CACNA1E: variants seen among roughly 807,000 people sequenced by gnomAD.
CACNA1E encodes the protein calcium voltage-gated channel subunit alpha1 E.
In CACNA1E, 40 loss-of-function variants were observed where a neutral mutation model predicts 259.2. The observed-to-expected ratio is 0.15, with a 90% confidence interval of 0.12 to 0.20. The LOEUF (loss-of-function observed/expected upper bound fraction) is 0.20, where lower values mean the gene tolerates loss of function less well. Among genes scored for constraint, CACNA1E ranks in the 10% least tolerant of loss-of-function variants. The pLI, the probability that CACNA1E is intolerant of heterozygous loss-of-function variation, is 1.00. For synonymous variants in CACNA1E, 1,104 were observed against 1,138.5 expected, an observed-to-expected ratio of 0.97 and a Z score of 0.61; for missense variants, 1,874 against 3,040.1, an observed-to-expected ratio of 0.62 and a Z score of 9.02.
intron 3 of CACNA1E, among the ~76,000 whole-genome samples, chr1:181,539,112 G>A (rs1195587949): frequency 1.3e-5 from 2 of 152,108 alleles, no homozygotes; most frequent in African/African-American, 4.8e-5. Context: ...CACCAACCCT[G>A]CCATCCCTCT....
chr1:181,627,487 T>C (rs925821488), intron 6 of CACNA1E, among the ~76,000 whole-genome samples: 10 of 152,292 alleles, frequency 6.6e-5, no homozygotes, highest in African/African-American at 2.4e-4. Context: ...GGTAAATGGA[T>C]GAGGCCCAGA....
chr1:181,577,316 T>C (rs1321051750), intron 3 of CACNA1E, among the ~76,000 whole-genome samples: 1 of 152,026 alleles, frequency 6.6e-6, no homozygotes, highest in Non-Finnish European at 1.5e-5. Context: ...TAGAGATGAG[T>C]GAGTTACTTT....
chr1:181,491,348 A>C (rs370239257), intron 1 of CACNA1E, among the ~76,000 whole-genome samples: 4 of 152,358 alleles, frequency 2.6e-5, no homozygotes, highest in African/African-American at 9.6e-5. Flanking sequence ...GCTTGTTAAA[A>C]TACAGATTAC....
intron 44 of CACNA1E, among the ~76,000 whole-genome samples, chr1:181,792,102 C>T (rs1043605220): frequency 3.9e-5 from 6 of 152,086 alleles, no homozygotes; most frequent in African/African-American, 1.4e-4. Flanking sequence ...AGCACCAAGA[C>T]CTGTGGAATA....
chr1:181,696,217 CTTT>C (rs370452246), intron 7 of CACNA1E, among the ~76,000 whole-genome samples: 1 of 146,126 alleles, frequency 6.8e-6, no homozygotes. Context: ...TAACATATAT[CTTT>C]TTTTTTTTTT....
Position 181,579,163 on chromosome 1 carries a change from T to C in CACNA1E, c.708T>C (p.Ala236=). ...LLLFFAILMF[A]IIGLEFYSGK... ...TCTTCTTTGCCATCCTGATGTTTGC[T>C]ATCATTGGTTTGGAGTTCTACAGTG... is the stretch of plus-strand genomic sequence containing the variant. Residue 236 remains alanine, a synonymous_variant, in exon 5 of 48, where the codon GCT becomes GCC. Transcript: ENST00000367573. 6.2e-7 allele frequency: 1 copy of C among 1,613,684 alleles called. No individual in the cohort carries two copies. The highest frequency in any genetic ancestry group is 8.5e-7 in the Non-Finnish European group (1 of 1,179,600).
At chr1:181,341,655 C>T (rs1210283072) in intron 1 of CACNA1E, among the ~76,000 whole-genome samples, 17 of 152,178 alleles carry the variant, frequency 1.1e-4, no homozygotes, top group Admixed American at 1.1e-3. Context: ...TGGCCTAGGG[C>T]ACAGGGCACA....
chr1:181,494,086 T>C (rs1664535289), intron 1 of CACNA1E, among the ~76,000 whole-genome samples: 2 of 152,132 alleles, frequency 1.3e-5, no homozygotes, highest in African/African-American at 4.8e-5. Context: ...ACTTCCTCTG[T>C]GAAGCCTTCC....
At position 181,332,834 on chromosome 1, in the gene CACNA1E, G is replaced by A. The variant is rs533537579; in HGVS notation, c.-15+14711G>A. On this transcript the variant is annotated intron_variant, in intron 1 of 11. Coordinates refer to the CACNA1E transcript ENST00000524607. ...TGATAAAATGCACACTCCAAATGCTGATATTACATCTGGGACCCCACAGTC... is the reference window on the plus strand; with the variant it reads ...TGATAAAATGCACACTCCAAATGCTAATATTACATCTGGGACCCCACAGTC... Among the ~76,000 whole-genome samples, 5 of 152,302 alleles carry A rather than the reference G, an allele frequency of 3.3e-5. No homozygotes were observed. In the South Asian group the frequency reaches 8.3e-4, roughly 25 times the overall value.
intron 1 of CACNA1E, among the ~76,000 whole-genome samples, chr1:181,320,720 G>T (rs1347640336): frequency 6.6e-6 from 1 of 152,176 alleles, no homozygotes; most frequent in Admixed American, 6.5e-5. Flanking sequence ...AGTCCCAGCT[G>T]CTCAGCCGGG....
chr1:181,757,990 G>A lies in CACNA1E; in HGVS notation c.4373G>A (p.Arg1458His), dbSNP rs760221151. ...DFAISAKPLTRYMPQNRHTFQ... is the reference protein window; with the variant it reads ...DFAISAKPLTHYMPQNRHTFQ... ...GCCATCAGCGCCAAACCTCTCACCC[G>A]CTACATGCCGCAGAACAGACACACC... Residue 1458 changes from arginine (R) to histidine (H), a missense_variant, in exon 31 of 48, where the codon CGC becomes CAC. Physicochemically the swap from Arg to His is conservative, Grantham distance 29. Around this residue, in one of 14 missense-constraint regions of CACNA1E, gnomAD observed 188 missense variants for 540.6 expected, o/e 0.35. Coordinates refer to ENST00000367573, the MANE Select transcript of CACNA1E (RefSeq NM_001205293.3). The A allele has an allele frequency of 4.3e-6, 7 of 1,613,950 alleles. No individual in the cohort carries two copies. Among genetic ancestry groups the A allele is most frequent in the Middle Eastern group, 1.6e-4 (1 of 6,062 alleles).
chr1:181,718,289 A>G (rs1471153603), intron 12 of CACNA1E, 122 bp downstream of exon 12: 4 of 597,120 alleles, frequency 6.7e-6, no homozygotes, highest in Non-Finnish European at 9.0e-6. Flanking sequence ...AGCGGAATAG[A>G]TAAGATTAGC....
At chr1:181,668,298 T>A (rs917653897) in intron 7 of CACNA1E, among the ~76,000 whole-genome samples, 15 of 152,236 alleles carry the variant, frequency 9.9e-5, no homozygotes, top group African/African-American at 3.6e-4. Context: ...TTGAAGTCTA[T>A]CCAGGTTTTC....
intron 3 of CACNA1E, among the ~76,000 whole-genome samples, chr1:181,528,094 C>T (rs761309683): frequency 1.1e-4 from 16 of 151,184 alleles, no homozygotes; most frequent in Non-Finnish European, 1.8e-4. Flanking sequence ...CTACCCAAAT[C>T]TCAACTTGTT....
chr1:181,351,852 G>A (rs1008399532), intron 1 of CACNA1E, among the ~76,000 whole-genome samples: 1 of 152,182 alleles, frequency 6.6e-6, no homozygotes, highest in Non-Finnish European at 1.5e-5. Context: ...ACTCAATGAC[G>A]CCTGCAATGT....
At chr1:181,624,165 G>A (rs199953) in intron 6 of CACNA1E, among the ~76,000 whole-genome samples, 110,468 of 151,870 alleles carry the variant, frequency 0.73, 41,780 homozygotes, top group East Asian at 0.95. Context: ...TGGAGAACTC[G>A]TCATCATTAG....
At chr1:181,552,393 A>G (rs1648266294) in intron 3 of CACNA1E, among the ~76,000 whole-genome samples, 1 of 152,250 alleles carries the variant, frequency 6.6e-6, no homozygotes, top group East Asian at 1.9e-4. Flanking sequence ...TGCCGTGGCA[A>G]AACTCTAGAG....
rs1339626245 is a variant in CACNA1E at position 181,733,450 on chromosome 1, A to C, written c.2962A>C (p.Met988Leu). 4.6e-6 allele frequency: 7 copies of C among 1,534,882 alleles called. No individual in the cohort carries two copies. Among genetic ancestry groups the C allele is most frequent in the Admixed American group, 2.0e-5 (1 of 49,874 alleles). ...CTCTCTTCACAGGACCAACAGTCTGATGGTGTCCAGAGGCTCCGGGCTGGC... is the reference window on the plus strand; with the variant it reads ...CTCTCTTCACAGGACCAACAGTCTGCTGGTGTCCAGAGGCTCCGGGCTGGC... ...AQDLRRTNSL[M>L]VSRGSGLAGG... is the part of the protein sequence containing the mutation. The change falls in exon 21 of 48, where the codon ATG becomes CTG. Residue 988 changes from methionine to leucine, a missense_variant. Transcript: ENST00000367573.
intron 6 of CACNA1E, among the ~76,000 whole-genome samples, chr1:181,595,736 A>G (rs931086063): frequency 6.6e-6 from 1 of 152,128 alleles, no homozygotes; most frequent in African/African-American, 2.4e-5. Context: ...GGCTCCTGGG[A>G]CTGCAGATTC....
Sources: gnomAD v4.1 joint callset for allele counts (sites outside exome capture counted in the v4.1 genomes callset) on GRCh38, gnomAD v4.1.1 for gene constraint, gnomAD v4.1.1 regional missense constraint, MANE v1.5 for transcripts, NCBI Gene and HGNC (gene_info 2026-07-23, HGNC 2026-07-21) for gene names.